The following PEBP4 variants were observed in gnomAD, a reference collection of about 807,000 sequenced individuals.
PEBP4 encodes the protein phosphatidylethanolamine binding protein 4.
A neutral mutation model predicts 23.9 loss-of-function variants in PEBP4; 22 were observed. The observed-to-expected ratio is 0.92, with a 90% CI of 0.66 to 1.31. The LOEUF (loss-of-function observed/expected upper bound fraction) is 1.31, where lower values mean the gene tolerates loss of function less well. PEBP4 is among the 40% of genes most tolerant of loss of function. PEBP4 has a pLI of 0.00. For synonymous variants in PEBP4, 112 were observed against 99.3 expected (o/e 1.13, Z -0.76); for missense variants, 324 against 281.7 (o/e 1.15, Z -1.07).
At chr8:22,787,014 G>T (rs138264727) in intron 4 of PEBP4, among the ~76,000 whole-genome samples, 1 of 152,168 alleles carries the variant, frequency 6.6e-6, no homozygotes, top group South Asian at 2.1e-4. Context: ...GTAGAGACAG[G>T]GTCTCTCTGT....
intron 3 of PEBP4, among the ~76,000 whole-genome samples, chr8:22,915,646 T>C (rs1236199329): frequency 6.6e-6 from 1 of 152,214 alleles, no homozygotes; most frequent in East Asian, 1.9e-4. Context: ...AAATAGTCCA[T>C]GGCGGCTGCA....
chr8:22,923,946 T>TA (rs1466556268), intron 2 of PEBP4, among the ~76,000 whole-genome samples: 1 of 152,206 alleles, frequency 6.6e-6, no homozygotes, highest in Non-Finnish European at 1.5e-5. Context: ...AGAAATGACC[T>TA]AGTCTAAGGT....
intron 3 of PEBP4, among the ~76,000 whole-genome samples, chr8:22,875,736 TGTCACCCAGCAC>T (rs1222122983): frequency 3.3e-5 from 5 of 152,052 alleles, no homozygotes; most frequent in Admixed American, 6.6e-5. Flanking sequence ...CCTTCCTGCC[TGTCACCCAGCAC>T]GTCACCCACC....
intron 3 of PEBP4, among the ~76,000 whole-genome samples, chr8:22,848,427 G>A (rs762706914): frequency 6.6e-6 from 1 of 151,548 alleles, no homozygotes; most frequent in African/African-American, 2.4e-5. Context: ...TGTGGGACCA[G>A]CCAAGGGGGA....
At chr8:22,836,494 G>A (rs1807207869) in intron 3 of PEBP4, among the ~76,000 whole-genome samples, 1 of 152,220 alleles carries the variant, frequency 6.6e-6, no homozygotes, top group African/African-American at 2.4e-5. Context: ...ACATGTTCCG[G>A]CATCTCCGAA....
chr8:22,759,329 A>G (rs948976572), intron 4 of PEBP4, among the ~76,000 whole-genome samples: 10 of 151,188 alleles, frequency 6.6e-5, no homozygotes, highest in African/African-American at 1.9e-4. Flanking sequence ...CTTCTTGTCA[A>G]GTGAAACATT....
At chr8:22,858,557 T>G (rs1807703903) in intron 3 of PEBP4, among the ~76,000 whole-genome samples, 1 of 152,236 alleles carries the variant, frequency 6.6e-6, no homozygotes, top group Admixed American at 6.5e-5. Context: ...TTTCTCAATA[T>G]TCTTAGAAAG....
At chr8:22,720,670 C>T (rs1354711852) in intron 6 of PEBP4, among the ~76,000 whole-genome samples, 3 of 152,190 alleles carry the variant, frequency 2.0e-5, no homozygotes, top group Non-Finnish European at 2.9e-5. Context: ...TGTCCTGTGA[C>T]GCTGGCCGGC....
chr8:22,724,572 C>T (rs1804584749), intron 6 of PEBP4, among the ~76,000 whole-genome samples: 1 of 152,232 alleles, frequency 6.6e-6, no homozygotes, highest in African/African-American at 2.4e-5. Context: ...GCTGCAGTCA[C>T]CTGCTTTGAG....
At chr8:22,906,036 C>T (rs1465743762) in intron 3 of PEBP4, among the ~76,000 whole-genome samples, 1 of 152,174 alleles carries the variant, frequency 6.6e-6, no homozygotes, top group African/African-American at 2.4e-5. Flanking sequence ...CAGCCGCTGA[C>T]ATTGCATATC....
chr8:22,911,368 C>A (rs867335571), intron 3 of PEBP4, among the ~76,000 whole-genome samples: 2 of 152,284 alleles, frequency 1.3e-5, no homozygotes, highest in African/African-American at 4.8e-5. Context: ...GCAGCCCCCT[C>A]CTCTGGCAGT....
At chr8:22,898,048 C>CTAT (rs1808625260) in intron 3 of PEBP4, among the ~76,000 whole-genome samples, 2 of 152,288 alleles carry the variant, frequency 1.3e-5, no homozygotes, top group South Asian at 4.1e-4. Flanking sequence ...GCACCTTGAT[C>CTAT]TCATAATTCC....
chr8:22,917,846 A>C (rs1433734804), intron 3 of PEBP4, among the ~76,000 whole-genome samples: 1 of 152,204 alleles, frequency 6.6e-6, no homozygotes, highest in Non-Finnish European at 1.5e-5. Flanking sequence ...TGGGGTTGAC[A>C]AATTGGTCAA....
chr8:22,740,885 T>C (rs1174044757), intron 4 of PEBP4, among the ~76,000 whole-genome samples: 2 of 152,108 alleles, frequency 1.3e-5, no homozygotes, highest in Non-Finnish European at 2.9e-5. Context: ...ATTCTGAGCC[T>C]TGAAGTTCCT....
At chr8:22,803,870 C>T (rs192039949) in intron 4 of PEBP4, among the ~76,000 whole-genome samples, 3 of 152,154 alleles carry the variant, frequency 2.0e-5, no homozygotes, top group African/African-American at 7.2e-5. Context: ...TTCATTGGCA[C>T]GTCCTGTTGG....
At chr8:22,859,903 G>A (rs1807730474) in intron 3 of PEBP4, among the ~76,000 whole-genome samples, 1 of 151,516 alleles carries the variant, frequency 6.6e-6, no homozygotes, top group Non-Finnish European at 1.5e-5. Context: ...AGGATCACTT[G>A]AGCCCAGGAG....
At chr8:22,768,433 C>G (rs748563854) in intron 4 of PEBP4, among the ~76,000 whole-genome samples, 29 of 152,160 alleles carry the variant, frequency 1.9e-4, no homozygotes, top group Admixed American at 5.9e-4. Context: ...GGGGTGCTCA[C>G]GCGAGCCCCC....
chr8:22,896,360 G>C (rs561345948), intron 3 of PEBP4: 2 of 152,294 alleles, frequency 1.3e-5, no homozygotes, highest in East Asian at 3.9e-4. Context: ...GTGTTCAGTG[G>C]GGTATTATCC....
At chr8:22,919,910 A>C (rs1272740082) in intron 3 of PEBP4, among the ~76,000 whole-genome samples, 2 of 152,198 alleles carry the variant, frequency 1.3e-5, no homozygotes, top group African/African-American at 2.4e-5. Flanking sequence ...GGGGCAGCCA[A>C]GGAGCTCCCA....
Sources: allele counts gnomAD v4.1 joint callset (sites outside exome capture counted in the v4.1 genomes callset), GRCh38; gene constraint gnomAD v4.1.1; transcripts MANE v1.5; gene names NCBI Gene and HGNC (gene_info 2026-07-23, HGNC 2026-07-21).